CSMD1: variants seen among roughly 807,000 people sequenced by gnomAD.
CSMD1 encodes the protein CUB and sushi domain-containing protein 1.
Under a neutral mutation model 417.5 loss-of-function variants are expected in CSMD1, and 213 were observed. The observed-to-expected ratio is 0.51, with a 90% CI of 0.46 to 0.57. The LOEUF (loss-of-function observed/expected upper bound fraction) is 0.57, where lower values mean the gene tolerates loss of function less well. CSMD1 is among the 20% of genes least tolerant of loss of function. CSMD1 has a pLI of 0.00. For missense variants in CSMD1, 6,923 were observed against 4,529.7 expected (o/e 1.53, Z -15.17); for synonymous variants, 2,862 against 1,736.8 (o/e 1.65, Z -16.11).
chr8:3,305,820 C>T (rs1414002528), intron 25 of CSMD1, among the ~76,000 whole-genome samples: 3 of 152,118 alleles, frequency 2.0e-5, no homozygotes, highest in African/African-American at 4.8e-5. Context: ...GCTGGGACTA[C>T]AGGTGCCTGC....
chr8:4,413,834 A>G (rs1038722803), intron 3 of CSMD1, among the ~76,000 whole-genome samples: 5 of 152,126 alleles, frequency 3.3e-5, no homozygotes, highest in Non-Finnish European at 5.9e-5. Context: ...CCCTACTTCT[A>G]CTTGTTATGA....
At chr8:3,149,698 G>T (rs554457117) in intron 40 of CSMD1, among the ~76,000 whole-genome samples, 1 of 152,036 alleles carries the variant, frequency 6.6e-6, no homozygotes, top group Non-Finnish European at 1.5e-5. Context: ...GGATGATCTC[G>T]ATCTCCTGAC....
chr8:4,691,035 TTTTA>T (rs1368120480), intron 1 of CSMD1, among the ~76,000 whole-genome samples: 1 of 152,172 alleles, frequency 6.6e-6, no homozygotes, highest in Non-Finnish European at 1.5e-5. Context: ...CCAAAATTAT[TTTTA>T]CGCCGTGCTT....
At chr8:3,170,713 T>C (rs1444956385) in intron 37 of CSMD1, among the ~76,000 whole-genome samples, 3 of 152,336 alleles carry the variant, frequency 2.0e-5, no homozygotes, top group East Asian at 3.9e-4. Flanking sequence ...AGTTCATAAA[T>C]ATGTGAAGAT....
Position 3,408,243 on chromosome 8 carries a change from T to G in CSMD1, c.1745-18A>C. On this transcript the variant is annotated intron_variant, in intron 13 of 69. Transcript: ENST00000635120. ...ACATGAAACTGTGAAGATGCAAATA[T>G]ATTTTCAAACAGTTATGCACATATC... 1 of 1,561,490 alleles carries G rather than the reference T, an allele frequency of 6.4e-7. No individual in the cohort carries two copies. The highest frequency in any genetic ancestry group is 8.7e-7 in the Non-Finnish European group (1 of 1,148,514).
At chr8:4,401,154 T>G (rs1309372570) in intron 3 of CSMD1, among the ~76,000 whole-genome samples, 5 of 152,134 alleles carry the variant, frequency 3.3e-5, no homozygotes, top group African/African-American at 1.2e-4. Flanking sequence ...GAGTCGAGGA[T>G]TCATCAAAAC....
At chr8:4,705,622 G>C (rs1283549360) in intron 1 of CSMD1, among the ~76,000 whole-genome samples, 1 of 152,164 alleles carries the variant, frequency 6.6e-6, no homozygotes, top group Non-Finnish European at 1.5e-5. Context: ...CTTATATTCT[G>C]ATACTGCGGC....
intron 11 of CSMD1, among the ~76,000 whole-genome samples, chr8:3,476,501 G>A (rs1048229782): frequency 2.0e-5 from 3 of 152,134 alleles, no homozygotes; most frequent in African/African-American, 7.2e-5. Context: ...ACTATCATAT[G>A]AAACTACCAA....
At chr8:4,041,775 G>A (rs887523318) in intron 3 of CSMD1, among the ~76,000 whole-genome samples, 1 of 151,992 alleles carries the variant, frequency 6.6e-6, no homozygotes, top group African/African-American at 2.4e-5. Flanking sequence ...GTTGTCTTGA[G>A]ACATGGGAAA....
chr8:4,416,469 G>A (rs980220447), intron 3 of CSMD1, among the ~76,000 whole-genome samples: 13 of 151,942 alleles, frequency 8.6e-5, no homozygotes, highest in African/African-American at 2.2e-4. Context: ...ATAAACACGT[G>A]CATTAAAATT....
intron 3 of CSMD1, among the ~76,000 whole-genome samples, chr8:4,146,923 A>G (rs116566463): frequency 0.027 from 3,856 of 144,730 alleles, 363 homozygotes; most frequent in African/African-American, 0.11. Flanking sequence ...GACACACTGA[A>G]CTTTAAGGAA....
chr8:4,422,338 C>T (rs1342388503), intron 2 of CSMD1, among the ~76,000 whole-genome samples: 1 of 152,086 alleles, frequency 6.6e-6, no homozygotes, highest in South Asian at 2.1e-4. Context: ...CTCCTCCCAC[C>T]AATTCATATA....
intron 2 of CSMD1, among the ~76,000 whole-genome samples, chr8:4,563,503 G>A (rs558838887): frequency 6.6e-6 from 1 of 152,138 alleles, no homozygotes; most frequent in African/African-American, 2.4e-5. Flanking sequence ...TCCTGTGCCG[G>A]CTATACCTGC....
At chr8:4,037,973 G>A (rs112722322) in intron 3 of CSMD1, among the ~76,000 whole-genome samples, 8 of 152,152 alleles carry the variant, frequency 5.3e-5, no homozygotes, top group African/African-American at 1.7e-4. Flanking sequence ...TAGAAACAAT[G>A]AATCAAAAAA....
intron 5 of CSMD1, among the ~76,000 whole-genome samples, chr8:3,925,487 T>G (rs1038487781): frequency 6.6e-6 from 1 of 152,164 alleles, no homozygotes; most frequent in Admixed American, 6.6e-5. Context: ...TGCTGGGTGG[T>G]AAGACACTGA....
At chr8:4,187,645 C>T (rs375615785) in intron 3 of CSMD1, among the ~76,000 whole-genome samples, 6 of 128,982 alleles carry the variant, frequency 4.7e-5, no homozygotes, top group African/African-American at 1.5e-4. Context: ...CACTGCACTC[C>T]AGCCTGGGCA....
chr8:3,556,419 A>ATATATATATATATATT (rs1211530784), intron 10 of CSMD1, among the ~76,000 whole-genome samples: 1 of 146,002 alleles, frequency 6.8e-6, no homozygotes, highest in African/African-American at 2.5e-5. Context: ...ATATATTCAC[A>ATATATATATATATATT]CACACAAAGA....
At chr8:4,186,711 G>A (rs1365089262) in intron 3 of CSMD1, among the ~76,000 whole-genome samples, 4 of 151,742 alleles carry the variant, frequency 2.6e-5, no homozygotes, top group South Asian at 2.1e-4. Flanking sequence ...TTTCAGCGGC[G>A]TACGGTCGCT....
chr8:3,045,043 G>A (rs1176254473), intron 50 of CSMD1, among the ~76,000 whole-genome samples: 3 of 152,040 alleles, frequency 2.0e-5, no homozygotes, highest in Non-Finnish European at 4.4e-5. Flanking sequence ...AATTAAATCG[G>A]TTTTCCAGCC....
Sources: allele counts gnomAD v4.1 joint callset (sites outside exome capture counted in the v4.1 genomes callset), GRCh38; gene constraint gnomAD v4.1.1; transcripts MANE v1.5; gene names NCBI Gene and HGNC (gene_info 2026-07-23, HGNC 2026-07-21).